DLG2: variants seen among roughly 807,000 people sequenced by gnomAD.
The protein encoded by DLG2 is discs large MAGUK scaffold protein 2, also known as disks large homolog 2.
DLG2 carries 45 observed loss-of-function variants against 132.5 expected under a neutral mutation model. The observed-to-expected ratio is 0.34, with a 90% confidence interval of 0.27 to 0.44. DLG2 has a LOEUF of 0.44. Ranked by LOEUF, DLG2 falls within the 20% of genes least tolerant of loss-of-function variation. The probability of loss-of-function intolerance (pLI) is 1.00; values close to 1 mark genes in which losing one functional copy is unlikely to be tolerated. For synonymous variants in DLG2, 424 were observed against 419.6 expected (o/e 1.01, Z -0.13); for missense variants, 1,045 against 1,196.9 (o/e 0.87, Z 1.87).
intron 6 of DLG2, among the ~76,000 whole-genome samples, chr11:84,558,776 T>A (rs887693178): frequency 1.3e-5 from 2 of 152,190 alleles, no homozygotes; most frequent in Admixed American, 6.5e-5. Context: ...ATAGTTCACA[T>A]TTCCATGACT....
chr11:84,904,024 C>T (rs943484865), intron 6 of DLG2, among the ~76,000 whole-genome samples: 10 of 152,018 alleles, frequency 6.6e-5, no homozygotes, highest in East Asian at 1.9e-4. Context: ...TTATTGAGAA[C>T]GTAAGAAGTG....
intron 5 of DLG2, among the ~76,000 whole-genome samples, chr11:85,153,836 T>A (rs370928404): frequency 3.3e-5 from 5 of 152,130 alleles, no homozygotes; most frequent in African/African-American, 1.2e-4. Context: ...GAGGATCACA[T>A]TAAAATTTCA....
chr11:83,767,150 TAATC>T (rs1348577414), intron 18 of DLG2, among the ~76,000 whole-genome samples: 1 of 152,222 alleles, frequency 6.6e-6, no homozygotes, highest in African/African-American at 2.4e-5. Context: ...TAAGGTGACG[TAATC>T]ATAGGTTTTA....
intron 19 of DLG2, among the ~76,000 whole-genome samples, chr11:83,579,797 C>T (rs1405838606): frequency 6.6e-6 from 1 of 151,884 alleles, no homozygotes; most frequent in Non-Finnish European, 1.5e-5. Context: ...GGTGAAACCC[C>T]GTCTCCACTA....
intron 10 of DLG2, among the ~76,000 whole-genome samples, chr11:84,068,347 A>G (rs533150335): frequency 6.6e-6 from 1 of 152,314 alleles, no homozygotes; most frequent in Non-Finnish European, 1.5e-5. Flanking sequence ...CTTGCCAACA[A>G]ATATTTCTGA....
chr11:84,577,985 G>C (rs1261497555), intron 6 of DLG2, among the ~76,000 whole-genome samples: 2 of 152,198 alleles, frequency 1.3e-5, no homozygotes, highest in Admixed American at 6.5e-5. Context: ...GGTTGAAAGG[G>C]ACCAATGTAG....
chr11:84,828,968 C>G (rs972311741), intron 6 of DLG2, among the ~76,000 whole-genome samples: 1 of 151,606 alleles, frequency 6.6e-6, no homozygotes, highest in Non-Finnish European at 1.5e-5. Flanking sequence ...ATTAGACAGA[C>G]CAAATCAATG....
At chr11:85,227,609 T>C (rs1356737691) in intron 4 of DLG2, among the ~76,000 whole-genome samples, 3 of 152,134 alleles carry the variant, frequency 2.0e-5, no homozygotes, top group African/African-American at 7.2e-5. Context: ...TTAACTATCT[T>C]AAGGAATAAG....
rs139127639 is a variant in DLG2, at chr11:85,195,358, C to T, written c.187-40707G>A. On this transcript the variant is annotated intron_variant, in intron 4 of 27. Coordinates refer to ENST00000376104, the MANE Select transcript of DLG2 (RefSeq NM_001142699.3). ...AATAAATCATGGACACATTAACCTCCCCACTGAAGCCAGAGTAACAAGGCC... is the reference window on the plus strand; with the variant it reads ...AATAAATCATGGACACATTAACCTCTCCACTGAAGCCAGAGTAACAAGGCC... 5.4e-3 allele frequency among the ~76,000 whole-genome samples: 814 copies of T among 152,070 alleles called. 9 individuals are homozygous for T. Among genetic ancestry groups the T allele is most frequent in the African/African-American group, 0.018 (765 of 41,494 alleles).
In DLG2 at chr11:84,817,225, T is replaced by G. The variant is rs191638169; in HGVS notation, c.358-282494A>C. Reference sequence around the variant, plus strand: ...GCAGGAACCATTTCAGTTGAACTGTTTGAGTGGCTCAAAGCAAGTTACTTT... The same window carrying G: ...GCAGGAACCATTTCAGTTGAACTGTGTGAGTGGCTCAAAGCAAGTTACTTT... On this transcript the variant is annotated intron_variant, in intron 6 of 27. Transcript: ENST00000376104. Among the ~76,000 whole-genome samples, 222 of 152,126 alleles carry G rather than the reference T, an allele frequency of 1.5e-3. 2 individuals carry two copies. Among genetic ancestry groups the G allele is most frequent in the African/African-American group, 5.1e-3 (211 of 41,540 alleles).
chr11:83,469,770 C>T (rs1268372867), intron 24 of DLG2, among the ~76,000 whole-genome samples: 1 of 152,116 alleles, frequency 6.6e-6, no homozygotes, highest in African/African-American at 2.4e-5. Flanking sequence ...AAAGGTTACT[C>T]TAGACTTACT....
intron 3 of DLG2, among the ~76,000 whole-genome samples, chr11:85,589,939 G>A (rs773896997): frequency 2.6e-5 from 4 of 151,996 alleles, no homozygotes; most frequent in Non-Finnish European, 2.9e-5. Context: ...TTACTTTTGC[G>A]TAGTATCTAA....
intron 6 of DLG2, among the ~76,000 whole-genome samples, chr11:84,638,689 A>T (rs895307603): frequency 2.6e-5 from 4 of 152,206 alleles, no homozygotes; most frequent in African/African-American, 9.6e-5. Context: ...TAGAAGGAAC[A>T]GAGGAAATCA....
chr11:84,222,485 G>T (rs1291609406), intron 8 of DLG2, among the ~76,000 whole-genome samples: 1 of 152,104 alleles, frequency 6.6e-6, no homozygotes, highest in Admixed American at 6.6e-5. Context: ...ACATAAGAAA[G>T]GGCTATAAAA....
At chr11:83,641,862 AGTGTGTGTGTGTGTGT>A (rs34754104) in intron 18 of DLG2, among the ~76,000 whole-genome samples, 14 of 147,816 alleles carry the variant, frequency 9.5e-5, no homozygotes, top group Non-Finnish European at 3.0e-5. Flanking sequence ...AGAGAGAGGG[AGTGTGTGTGTGTGTGT>A]GTGTGTGTGT....
intron 6 of DLG2, among the ~76,000 whole-genome samples, chr11:84,721,995 G>A (rs1344336690): frequency 3.3e-5 from 5 of 152,062 alleles, no homozygotes. Context: ...TTTTCTAGGG[G>A]AAGAAACTGA....
chr11:85,232,583 T>C (rs1488004873), intron 4 of DLG2, among the ~76,000 whole-genome samples: 3 of 151,962 alleles, frequency 2.0e-5, no homozygotes, highest in Non-Finnish European at 4.4e-5. Flanking sequence ...CTGGACAAGC[T>C]AAGTATAAAT....
chr11:85,087,889 A>T, intron 6 of DLG2, among the ~76,000 whole-genome samples: 2 of 147,680 alleles, frequency 1.4e-5, no homozygotes, highest in South Asian at 4.3e-4. Flanking sequence ...GAGGGATTTG[A>T]GGACACTGTG....
At chr11:84,748,431 C>T (rs967402356) in intron 6 of DLG2, among the ~76,000 whole-genome samples, 1 of 152,122 alleles carries the variant, frequency 6.6e-6, no homozygotes, top group Non-Finnish European at 1.5e-5. Flanking sequence ...TTTTCATTTG[C>T]ACAGCACTGT....
Sources: gnomAD v4.1 joint callset for allele counts (sites outside exome capture counted in the v4.1 genomes callset) on GRCh38, gnomAD v4.1.1 for gene constraint, MANE v1.5 for transcripts, NCBI Gene and HGNC (gene_info 2026-07-23, HGNC 2026-07-21) for gene names.